The following TPRG1 variants were observed in gnomAD, a reference collection of about 807,000 sequenced individuals.
TPRG1 encodes tumor protein p63 regulated 1.
TPRG1 carries 29 observed loss-of-function variants against 29.3 expected under a neutral mutation model. That is an observed-to-expected ratio of 0.99 (90% CI 0.74 to 1.35). The LOEUF (loss-of-function observed/expected upper bound fraction) is 1.35, where lower values mean the gene tolerates loss of function less well. Among genes scored for constraint, TPRG1 ranks in the 40% most tolerant of loss-of-function variants. The pLI is 0.00. For synonymous variants in TPRG1, 130 were observed against 116.8 expected, an observed-to-expected ratio of 1.11 and a Z score of -0.73; for missense variants, 327 against 335.0, an observed-to-expected ratio of 0.98 and a Z score of 0.19.
chr3:189,162,059 C>A (rs555098836), intron 5 of TPRG1, among the ~76,000 whole-genome samples: 2 of 152,248 alleles, frequency 1.3e-5, no homozygotes, highest in African/African-American at 4.8e-5. Context: ...GTCGTGTGAT[C>A]TTGGCTCATT....
chr3:189,244,926 C>CT (rs1741155261), intron 4 of TPRG1, among the ~76,000 whole-genome samples: 3 of 152,160 alleles, frequency 2.0e-5, no homozygotes, highest in East Asian at 1.9e-4. Context: ...TCTCTGCTCT[C>CT]TTTTTTTGTT....
intron 3 of TPRG1, among the ~76,000 whole-genome samples, chr3:189,140,272 C>A (rs970824491): frequency 6.6e-6 from 1 of 152,154 alleles, no homozygotes; most frequent in Non-Finnish European, 1.5e-5. Context: ...AAAGCGTAGG[C>A]TCCTGAAGTG....
intron 1 of TPRG1, among the ~76,000 whole-genome samples, chr3:189,194,944 G>A (rs1437389365): frequency 2.0e-5 from 3 of 152,080 alleles, no homozygotes; most frequent in African/African-American, 4.8e-5. Context: ...ACCACTCTAG[G>A]GGGCTAGTCC....
At chr3:189,262,704 T>C (rs1560620667) in intron 4 of TPRG1, among the ~76,000 whole-genome samples, 1 of 152,246 alleles carries the variant, frequency 6.6e-6, no homozygotes, top group Admixed American at 6.5e-5. Flanking sequence ...AATAAACATT[T>C]ATTACTCTTC....
intron 4 of TPRG1, among the ~76,000 whole-genome samples, chr3:189,071,981 A>G (rs1373486491): frequency 6.6e-6 from 1 of 152,232 alleles, no homozygotes; most frequent in Non-Finnish European, 1.5e-5. Flanking sequence ...ATGCATGGAC[A>G]GTAAAGCTAA....
At chr3:189,171,420 A>G (rs539686136), upstream of TPRG1, among the ~76,000 whole-genome samples, 1 of 152,350 alleles carries the variant, frequency 6.6e-6, no homozygotes, top group East Asian at 1.9e-4. Flanking sequence ...TGTTTTGAGG[A>G]GTATATGAGA....
intron 4 of TPRG1, among the ~76,000 whole-genome samples, chr3:189,064,520 TAAGA>T (rs1716311757): frequency 1.3e-5 from 2 of 150,622 alleles, no homozygotes; most frequent in African/African-American, 4.9e-5. Context: ...TAAGAAAAAA[TAAGA>T]AAGATTATAG....
In TPRG1 at chr3:189,018,782, C is replaced by T. The variant is rs1490057957; in HGVS notation, c.-659-4968C>T. On this transcript the variant is annotated intron_variant, in intron 3 of 10. Coordinates refer to the TPRG1 transcript ENST00000433971. ...ATTCTGTGAAGAAAGTCATTGGTAG[C>T]TTGATGGGGATGGCATTGAATCTGT... Among the ~76,000 whole-genome samples, 321 of 149,528 alleles carry T rather than the reference C, an allele frequency of 2.1e-3. 1 individual carries two copies. Among genetic ancestry groups the T allele is most frequent in the African/African-American group, 7.2e-3 (291 of 40,612 alleles).
At chr3:189,003,640 C>A (rs147867569) in intron 2 of TPRG1, among the ~76,000 whole-genome samples, 7 of 152,188 alleles carry the variant, frequency 4.6e-5, no homozygotes, top group African/African-American at 1.7e-4. Context: ...TCTCCTGATT[C>A]ATCTTTGGTG....
At chr3:189,060,883 G>A (rs1183212474) in intron 4 of TPRG1, among the ~76,000 whole-genome samples, 4 of 151,932 alleles carry the variant, frequency 2.6e-5, no homozygotes, top group South Asian at 2.1e-4. Flanking sequence ...AGCATTGTAC[G>A]GATTCAACAC....
chr3:189,146,768 T>C (rs1054776037), intron 3 of TPRG1, among the ~76,000 whole-genome samples: 1 of 152,258 alleles, frequency 6.6e-6, no homozygotes, highest in Non-Finnish European at 1.5e-5. Context: ...GAAAGCAATA[T>C]GCATCTCATT....
At chr3:189,303,150 G>A (rs986655587) in intron 4 of TPRG1, among the ~76,000 whole-genome samples, 1 of 152,098 alleles carries the variant, frequency 6.6e-6, no homozygotes, top group African/African-American at 2.4e-5. Flanking sequence ...TGAATTTAAG[G>A]AGCCAAGGAC....
intron 5 of TPRG1, among the ~76,000 whole-genome samples, chr3:189,160,585 TTC>T (rs2108628966): frequency 1.3e-5 from 2 of 152,280 alleles, no homozygotes; most frequent in East Asian, 3.9e-4. Context: ...GGGATAGCGT[TTC>T]TCTCTCATCC....
At chr3:189,003,769 T>G (rs1712147194) in intron 2 of TPRG1, among the ~76,000 whole-genome samples, 1 of 152,214 alleles carries the variant, frequency 6.6e-6, no homozygotes, top group African/African-American at 2.4e-5. Flanking sequence ...GCTACCCTTT[T>G]AAAGACTCTT....
At chr3:189,022,166 C>T (rs1469188745) in intron 3 of TPRG1, among the ~76,000 whole-genome samples, 2 of 152,046 alleles carry the variant, frequency 1.3e-5, no homozygotes, top group East Asian at 3.8e-4. Context: ...TCTTCTTTGC[C>T]TTTGGTTTGA....
intron 5 of TPRG1, among the ~76,000 whole-genome samples, chr3:189,312,081 G>GTTTGTTTC (rs1483160195): frequency 8.3e-5 from 10 of 120,036 alleles, no homozygotes; most frequent in Middle Eastern, 4.0e-3. Flanking sequence ...AACACTTTAT[G>GTTTGTTTC]TTTCTTTCTT....
At chr3:189,189,685 G>A (rs1440369493) in intron 1 of TPRG1, among the ~76,000 whole-genome samples, 2 of 152,192 alleles carry the variant, frequency 1.3e-5, no homozygotes, top group Non-Finnish European at 1.5e-5. Context: ...GCAAAGGAAC[G>A]TTCTTCAAGA....
chr3:189,178,166 G>A (rs1399373706), intron 1 of TPRG1, among the ~76,000 whole-genome samples: 1 of 152,198 alleles, frequency 6.6e-6, no homozygotes, highest in Non-Finnish European at 1.5e-5. Context: ...AAAGAAAATG[G>A]AGAAAATGGG....
At chr3:189,114,766 C>T (rs1023050120) in intron 1 of TPRG1, among the ~76,000 whole-genome samples, 1 of 152,054 alleles carries the variant, frequency 6.6e-6, no homozygotes, top group Non-Finnish European at 1.5e-5. Context: ...ATTCCTGTCA[C>T]TTGGTCCAGA....
Sources: gnomAD v4.1 joint callset for allele counts (sites outside exome capture counted in the v4.1 genomes callset) on GRCh38, gnomAD v4.1.1 for gene constraint, MANE v1.5 for transcripts, NCBI Gene and HGNC (gene_info 2026-07-23, HGNC 2026-07-21) for gene names.